Variants in KANSL1 observed in about 807,000 individuals in gnomAD.
KANSL1 encodes the protein MLL1/MLL complex subunit KANSL1.
A neutral mutation model predicts 103.6 loss-of-function variants in KANSL1; 22 were observed. That is an observed-to-expected ratio of 0.21 (90% CI 0.15 to 0.30). KANSL1 has a LOEUF of 0.30. Ranked by LOEUF, KANSL1 falls within the 10% of genes least tolerant of loss-of-function variation. KANSL1 has a pLI of 1.00. For missense variants in KANSL1, 1,337 were observed against 1,399.8 expected (o/e 0.96, Z 0.72); for synonymous variants, 600 against 527.6 (o/e 1.14, Z -1.88).
At chr17:46,065,685 C>T (rs1269998116) in intron 6 of KANSL1, among the ~76,000 whole-genome samples, 1 of 152,138 alleles carries the variant, frequency 6.6e-6, no homozygotes, top group Non-Finnish European at 1.5e-5. Context: ...AAAGATAATG[C>T]TCTTAATTCC....
At chr17:46,132,943 C>G (rs927808866) in intron 2 of KANSL1, among the ~76,000 whole-genome samples, 1 of 151,736 alleles carries the variant, frequency 6.6e-6, no homozygotes, top group African/African-American at 2.4e-5. Context: ...GACCGTGTCT[C>G]GAAAAAAACA....
At chr17:46,116,549 C>T (rs1203656199) in intron 2 of KANSL1, among the ~76,000 whole-genome samples, 2 of 152,120 alleles carry the variant, frequency 1.3e-5, no homozygotes, top group Non-Finnish European at 2.9e-5. Context: ...AAACCAACAA[C>T]AACAAAACAT....
chr17:46,178,711 G>T (rs139836214), intron 1 of KANSL1, among the ~76,000 whole-genome samples: 2 of 152,190 alleles, frequency 1.3e-5, no homozygotes, highest in African/African-American at 4.8e-5. Context: ...AATACATTTC[G>T]GAAAAACTTC....
intron 2 of KANSL1, among the ~76,000 whole-genome samples, chr17:46,163,916 C>T (rs1597849985): frequency 6.6e-6 from 1 of 152,356 alleles, no homozygotes; most frequent in African/African-American, 2.4e-5. Flanking sequence ...GTGCCCTGTG[C>T]TTTCTGCCTA....
intron 2 of KANSL1, among the ~76,000 whole-genome samples, chr17:46,111,650 C>G (rs538399800): frequency 6.6e-6 from 1 of 152,310 alleles, no homozygotes; most frequent in South Asian, 2.1e-4. Flanking sequence ...ACATATACAT[C>G]CAAGTATACA....
At chr17:46,124,381 A>G (rs1413432568) in intron 2 of KANSL1, among the ~76,000 whole-genome samples, 3 of 152,258 alleles carry the variant, frequency 2.0e-5, no homozygotes, top group Non-Finnish European at 4.4e-5. Context: ...GCTCAGAAAG[A>G]TTCCTTTCAA....
chr17:46,148,757 T>G (rs181582989), intron 2 of KANSL1, among the ~76,000 whole-genome samples: 14 of 152,156 alleles, frequency 9.2e-5, no homozygotes, highest in Admixed American at 2.6e-4. Context: ...AATTTTTTTT[T>G]GTATTTTTAG....
chr17:46,120,027 A>G (rs1256453737), intron 2 of KANSL1: 1 of 152,056 alleles, frequency 6.6e-6, no homozygotes, highest in African/African-American at 2.4e-5. Flanking sequence ...AAAACACACC[A>G]ACACACATGC....
chr17:46,120,272 T>G (rs888841154), intron 2 of KANSL1, among the ~76,000 whole-genome samples: 2 of 152,192 alleles, frequency 1.3e-5, no homozygotes, highest in African/African-American at 4.8e-5. Context: ...AAAGTGAGTT[T>G]CACTCTAGGA....
chr17:46,174,809 G>A (rs946699093), intron 1 of KANSL1, among the ~76,000 whole-genome samples: 5 of 152,198 alleles, frequency 3.3e-5, no homozygotes, highest in Non-Finnish European at 5.9e-5. Flanking sequence ...TAGTAGCTGG[G>A]ACTATAGGTG....
chr17:46,100,609 AT>A (rs1418126831), intron 2 of KANSL1, among the ~76,000 whole-genome samples: 1 of 152,218 alleles, frequency 6.6e-6, no homozygotes, highest in Non-Finnish European at 1.5e-5. Context: ...TTTAAAAGGG[AT>A]TATCAATAGA....
intron 2 of KANSL1, among the ~76,000 whole-genome samples, chr17:46,140,907 AC>A (rs2044387832): frequency 2.0e-5 from 3 of 152,224 alleles, no homozygotes; most frequent in Admixed American, 1.3e-4. Flanking sequence ...AATGGAACCC[AC>A]AAATATCGCT....
chr17:46,171,085 G>C lies in KANSL1; in HGVS notation c.1059C>G (p.Ala353=), dbSNP rs761810633. 1 of 1,614,028 alleles carries C rather than the reference G, an allele frequency of 6.2e-7. No homozygotes were observed. The highest frequency in any genetic ancestry group is 1.3e-5 in the African/African-American group (1 of 74,904). The stretch of plus-strand genomic sequence containing the variant: ...TGGTCTCACTGGCAGCTTTTCTCAA[G>C]GCAGCTTCAGCCTTTCGAGTCAGCA... ...QLMLTRKAEA[A]LRKAASETTT... The change falls in exon 2 of 15, where the codon GCC becomes GCG. Residue 353 remains alanine, a synonymous_variant. Coordinates refer to ENST00000432791, the MANE Select transcript of KANSL1 (RefSeq NM_015443.4).
At chr17:46,135,381 G>A (rs964972529) in intron 2 of KANSL1, among the ~76,000 whole-genome samples, 2 of 132,298 alleles carry the variant, frequency 1.5e-5, no homozygotes, top group African/African-American at 5.1e-5. Context: ...ATAAAACATA[G>A]TATGGAAGGT....
At chr17:46,212,051 T>C (rs940218819) in intron 1 of KANSL1, among the ~76,000 whole-genome samples, 3 of 152,238 alleles carry the variant, frequency 2.0e-5, no homozygotes, top group African/African-American at 7.2e-5. Context: ...CTGGTTGGTA[T>C]AGACTTCCTT....
chr17:46,185,416 A>G (rs1363916151), intron 1 of KANSL1, among the ~76,000 whole-genome samples: 1 of 152,170 alleles, frequency 6.6e-6, no homozygotes, highest in Non-Finnish European at 1.5e-5. Flanking sequence ...TTTTAACTAC[A>G]CTTTTTAAGC....
intron 2 of KANSL1, among the ~76,000 whole-genome samples, chr17:46,113,964 A>T (rs561141068): frequency 2.0e-5 from 3 of 152,340 alleles, no homozygotes; most frequent in Admixed American, 6.5e-5. Context: ...TCAATTTTTA[A>T]ATGAGTAAAA....
intron 1 of KANSL1, among the ~76,000 whole-genome samples, chr17:46,189,031 C>CAAA (rs57566816): frequency 0.022 from 1,394 of 62,218 alleles, 248 homozygotes; most frequent in South Asian, 0.028. Flanking sequence ...AAGATTGTCT[C>CAAA]AAAAAAAAAA....
At chr17:46,133,326 T>C (rs2043960389) in intron 2 of KANSL1, among the ~76,000 whole-genome samples, 1 of 152,180 alleles carries the variant, frequency 6.6e-6, no homozygotes, top group South Asian at 2.1e-4. Context: ...CATTCTATCA[T>C]ACCACCTTAG....
Sources: gnomAD v4.1 joint callset for allele counts (sites outside exome capture counted in the v4.1 genomes callset) on GRCh38, gnomAD v4.1.1 for gene constraint, MANE v1.5 for transcripts, NCBI Gene and HGNC (gene_info 2026-07-23, HGNC 2026-07-21) for gene names.